Variants in ERBB4 observed in about 807,000 individuals in gnomAD.
The protein encoded by ERBB4 is erb-b2 receptor tyrosine kinase 4, also known as receptor tyrosine-protein kinase erbB-4.
Under a neutral mutation model 158.0 loss-of-function variants are expected in ERBB4, and 42 were observed. The observed-to-expected ratio is 0.27, with a 90% CI of 0.21 to 0.34. ERBB4 has a LOEUF of 0.34. Ranked by LOEUF, ERBB4 falls within the 10% of genes least tolerant of loss-of-function variation. The pLI, the probability that ERBB4 is intolerant of heterozygous loss-of-function variation, is 1.00. For missense variants in ERBB4, 1,333 were observed against 1,624.1 expected, an observed-to-expected ratio of 0.82 and a Z score of 3.08; for synonymous variants, 583 against 558.7, an observed-to-expected ratio of 1.04 and a Z score of -0.61.
intron 3 of ERBB4, among the ~76,000 whole-genome samples, chr2:211,888,909 G>A (rs1281611828): frequency 2.0e-5 from 3 of 151,686 alleles, no homozygotes; most frequent in South Asian, 2.1e-4. Context: ...CGCCCACGGA[G>A]TCTCACTGAT....
chr2:212,147,690 G>A (rs956173661), intron 1 of ERBB4, among the ~76,000 whole-genome samples: 1 of 152,108 alleles, frequency 6.6e-6, no homozygotes, highest in East Asian at 1.9e-4. Flanking sequence ...CTACTTTAGG[G>A]TATAAGACTT....
intron 3 of ERBB4, among the ~76,000 whole-genome samples, chr2:211,795,916 C>A (rs1250922237): frequency 6.6e-6 from 1 of 151,906 alleles, no homozygotes; most frequent in Non-Finnish European, 1.5e-5. Context: ...TGACAACTAG[C>A]AGTCTCTGTT....
At chr2:212,118,818 C>T (rs546366924) in intron 2 of ERBB4, among the ~76,000 whole-genome samples, 2 of 152,008 alleles carry the variant, frequency 1.3e-5, no homozygotes, top group African/African-American at 4.8e-5. Context: ...TTATGTTTTT[C>T]AAATGTGTTA....
chr2:211,917,946 G>A (rs1310322176), intron 3 of ERBB4, among the ~76,000 whole-genome samples: 1 of 152,110 alleles, frequency 6.6e-6, no homozygotes, highest in Non-Finnish European at 1.5e-5. Flanking sequence ...GTCCACTGGG[G>A]GAACCATGTA....
intron 20 of ERBB4, among the ~76,000 whole-genome samples, chr2:211,547,973 G>A (rs1256321856): frequency 6.6e-6 from 1 of 152,050 alleles, no homozygotes; most frequent in Admixed American, 6.6e-5. Flanking sequence ...TATTTTATAG[G>A]TTAGACAAGA....
At chr2:211,451,520 C>A (rs1171783627) in intron 20 of ERBB4, among the ~76,000 whole-genome samples, 2 of 151,968 alleles carry the variant, frequency 1.3e-5, no homozygotes, top group Non-Finnish European at 2.9e-5. Flanking sequence ...AAATATTTCT[C>A]AATGGTGGTC....
intron 20 of ERBB4, among the ~76,000 whole-genome samples, chr2:211,506,551 A>C (rs1408371269): frequency 7.4e-6 from 1 of 134,296 alleles, no homozygotes; most frequent in Non-Finnish European, 1.6e-5. Context: ...AATTGAAACC[A>C]TATCAAGTTT....
intron 2 of ERBB4, among the ~76,000 whole-genome samples, chr2:212,075,166 T>C (rs1016267510): frequency 1.3e-5 from 2 of 151,946 alleles, no homozygotes; most frequent in African/African-American, 4.8e-5. Flanking sequence ...TGTTATACTC[T>C]AGAAAATTCT....
At chr2:212,130,180 T>C (rs907502298) in intron 1 of ERBB4, among the ~76,000 whole-genome samples, 2 of 152,146 alleles carry the variant, frequency 1.3e-5, no homozygotes, top group Admixed American at 6.5e-5. Context: ...CCTTTGTCAA[T>C]ACTATTATAA....
chr2:212,354,028 C>T (rs1388410784), intron 1 of ERBB4, among the ~76,000 whole-genome samples: 2 of 152,118 alleles, frequency 1.3e-5, no homozygotes, highest in African/African-American at 4.8e-5. Flanking sequence ...TAAACCTGTG[C>T]TGTGTTAAGC....
Position 212,014,952 on chromosome 2 carries a change from G to A in ERBB4, c.235-67336C>T, listed in dbSNP as rs887540590. ...TCACGCCTGTAATCGCAGCACTTTG[G>A]GAGGCGAAGGCGGATGGATCACGAG... On this transcript the variant is annotated intron_variant, in intron 2 of 27. Coordinates refer to ENST00000342788, the MANE Select transcript of ERBB4 (RefSeq NM_005235.3). Among the ~76,000 whole-genome samples the A allele has an allele frequency of 2.7e-5, 4 of 148,684 alleles. No homozygotes were observed. The Admixed American group carries it at 2.7e-4, about 10-fold the overall frequency.
At chr2:212,491,640 T>C (rs1249057567) in intron 1 of ERBB4, among the ~76,000 whole-genome samples, 1 of 151,600 alleles carries the variant, frequency 6.6e-6, no homozygotes, top group Non-Finnish European at 1.5e-5. Flanking sequence ...CTTTCATTGA[T>C]TCACTGTCTA....
rs202037211 is a variant in ERBB4 at position 212,151,381 on chromosome 2, TATA to T, written c.83-26481_83-26479del. 2.6e-3 allele frequency among the ~76,000 whole-genome samples: 389 copies of T among 151,574 alleles called. 1 individual carries two copies. The highest frequency in any genetic ancestry group is 8.6e-3 in the African/African-American group (356 of 41,462). Reference sequence around the variant, plus strand: ...GTTACTTTTATTCATTTTTAAAGCATATAATGTGACAATATTATATCAAACCAT... The same window carrying T: ...GTTACTTTTATTCATTTTTAAAGCATATGTGACAATATTATATCAAACCAT... On this transcript the variant is annotated intron_variant, in intron 1 of 27. Transcript: ENST00000342788.
At chr2:211,911,598 T>A (rs766531886) in intron 3 of ERBB4, among the ~76,000 whole-genome samples, 8 of 152,306 alleles carry the variant, frequency 5.3e-5, no homozygotes, top group Non-Finnish European at 8.8e-5. Flanking sequence ...CAATATTTTA[T>A]TAAATATTTT....
chr2:212,412,929 T>C (rs919668403), intron 1 of ERBB4, among the ~76,000 whole-genome samples: 2 of 151,974 alleles, frequency 1.3e-5, no homozygotes, highest in African/African-American at 4.8e-5. Context: ...TCTGTATTGG[T>C]TTGTGATATG....
intron 1 of ERBB4, among the ~76,000 whole-genome samples, chr2:212,502,947 C>A (rs756696085): frequency 1.3e-5 from 2 of 152,018 alleles, no homozygotes; most frequent in African/African-American, 2.4e-5. Context: ...ATTTTTCGTA[C>A]AGACAGGGTT....
intron 3 of ERBB4, among the ~76,000 whole-genome samples, chr2:211,851,238 T>C (rs1446910972): frequency 6.6e-6 from 1 of 151,838 alleles, no homozygotes; most frequent in Admixed American, 6.6e-5. Context: ...ACCCATTACG[T>C]AATATGAACT....
At chr2:212,150,445 G>A (rs575426260) in intron 1 of ERBB4, among the ~76,000 whole-genome samples, 9 of 152,094 alleles carry the variant, frequency 5.9e-5, no homozygotes, top group Non-Finnish European at 1.2e-4. Context: ...TTCCAAATAA[G>A]GTCACAATCT....
At chr2:212,532,884 G>C (rs912970061) in intron 1 of ERBB4, among the ~76,000 whole-genome samples, 3 of 152,158 alleles carry the variant, frequency 2.0e-5, no homozygotes, top group Non-Finnish European at 4.4e-5. Context: ...TTTAGAATTA[G>C]TTAACAAAAC....
Sources: allele counts gnomAD v4.1 joint callset (sites outside exome capture counted in the v4.1 genomes callset), GRCh38; gene constraint gnomAD v4.1.1; transcripts MANE v1.5; gene names NCBI Gene and HGNC (gene_info 2026-07-23, HGNC 2026-07-21).